SYNPR: variants seen among roughly 807,000 people sequenced by gnomAD.
SYNPR encodes the protein synaptoporin.
SYNPR carries 23 observed loss-of-function variants against 32.9 expected under a neutral mutation model. The ratio of observed to expected loss-of-function variants is 0.70; its 90% CI spans 0.50 to 0.99. The LOEUF is 0.99. SYNPR is among the 50% of genes least tolerant of loss of function. The pLI is 0.00. For missense variants in SYNPR, 318 were observed against 349.3 expected, an observed-to-expected ratio of 0.91 and a Z score of 0.71; for synonymous variants, 146 against 135.9, an observed-to-expected ratio of 1.07 and a Z score of -0.52.
chr3:63,283,314 A>T (rs2086647149), intron 2 of SYNPR, among the ~76,000 whole-genome samples: 1 of 150,278 alleles, frequency 6.7e-6, no homozygotes, highest in Non-Finnish European at 1.5e-5. Context: ...TCTTAATAAC[A>T]TATAAAAGTC....
At chr3:63,206,264 G>A in the SYNPR span, among the ~76,000 whole-genome samples, 1 of 152,150 alleles carries the variant, frequency 6.6e-6, no homozygotes, top group African/African-American at 2.4e-5. Context: ...GGGGGGGAAA[G>A]GCTCTGAAAA....
chr3:63,460,572 C>CAAA (rs11390803), intron 2 of SYNPR, among the ~76,000 whole-genome samples: 1,640 of 45,336 alleles, frequency 0.036, 75 homozygotes, highest in African/African-American at 0.049. Flanking sequence ...ATTGGTAGAC[C>CAAA]AAAAAAAAAA....
At chr3:63,553,766 G>A (rs1702543780) in intron 3 of SYNPR, among the ~76,000 whole-genome samples, 1 of 152,160 alleles carries the variant, frequency 6.6e-6, no homozygotes, top group South Asian at 2.1e-4. Flanking sequence ...TTGTTGCCCA[G>A]GCTGGAGTGC....
In SYNPR at chr3:63,456,959, G is replaced by A. The variant is rs79776140; in HGVS notation, c.85-23873G>A. Reference sequence around the variant, plus strand: ...CTTTTATTTTCTATCAGAGTTGGTGGGTCCAGAGAAGCTCTCCTCTTTGCA... The same window carrying A: ...CTTTTATTTTCTATCAGAGTTGGTGAGTCCAGAGAAGCTCTCCTCTTTGCA... On this transcript the variant is annotated intron_variant, in intron 2 of 5. Transcript: ENST00000478300. Among the ~76,000 whole-genome samples, 1,283 of 152,098 alleles carry A rather than the reference G, an allele frequency of 8.4e-3. 58 individuals are homozygous for A. In the East Asian group the frequency reaches 0.13, roughly 16 times the overall value.
intron 3 of SYNPR, among the ~76,000 whole-genome samples, chr3:63,529,269 C>T (rs1370380412): frequency 1.3e-5 from 2 of 152,216 alleles, no homozygotes; most frequent in African/African-American, 2.4e-5. Flanking sequence ...TTTAAATCAT[C>T]TCTAGATTAC....
At chr3:63,596,102 G>A (rs528286802) in intron 4 of SYNPR, among the ~76,000 whole-genome samples, 6 of 149,748 alleles carry the variant, frequency 4.0e-5, no homozygotes, top group South Asian at 2.1e-4. Context: ...CCATTAACTC[G>A]TCATTTAGCA....
chr3:63,355,265 T>TGA (rs2087562307), intron 2 of SYNPR, among the ~76,000 whole-genome samples: 1 of 142,426 alleles, frequency 7.0e-6, no homozygotes, highest in Non-Finnish European at 1.5e-5. Flanking sequence ...GGTGACAGAG[T>TGA]GAGACCCTGT....
At chr3:63,311,946 TA>T (rs1422067991) in intron 2 of SYNPR, among the ~76,000 whole-genome samples, 2 of 151,928 alleles carry the variant, frequency 1.3e-5, no homozygotes, top group Non-Finnish European at 2.9e-5. Flanking sequence ...TCTAAAACTT[TA>T]AAAAAGGAAA....
chr3:63,547,470 G>A (rs552248301), intron 3 of SYNPR, among the ~76,000 whole-genome samples: 13 of 152,190 alleles, frequency 8.5e-5, no homozygotes, highest in Admixed American at 2.0e-4. Context: ...TGAGGACAGC[G>A]TAATGTGCCT....
intron 4 of SYNPR, among the ~76,000 whole-genome samples, chr3:63,595,951 T>TATATATAATTTTA (rs1559546753): frequency 2.6e-5 from 3 of 116,868 alleles, no homozygotes; most frequent in East Asian, 2.6e-4. Context: ...ATATATAGTT[T>TATATATAATTTTA]TATATATATA....
At chr3:63,508,267 T>C (rs1481216411) in intron 3 of SYNPR, among the ~76,000 whole-genome samples, 3 of 152,204 alleles carry the variant, frequency 2.0e-5, no homozygotes, top group Admixed American at 6.5e-5. Flanking sequence ...CAAGAATTTA[T>C]ATATTCCAGG....
At position 63,481,890 on chromosome 3, in the gene SYNPR, T is replaced by C. The variant is rs535579141; in HGVS notation, c.209+934T>C. On this transcript the variant is annotated intron_variant, in intron 3 of 5. Coordinates refer to ENST00000478300, the MANE Select transcript of SYNPR (RefSeq NM_001130003.2). ...GGGGCTGGGATGCTTGGTAACATTATACATGAGATCATAAGCTCGGCATGG... is the reference window on the plus strand; with the variant it reads ...GGGGCTGGGATGCTTGGTAACATTACACATGAGATCATAAGCTCGGCATGG... Among the ~76,000 whole-genome samples, 7 of 152,232 alleles carry C rather than the reference T, an allele frequency of 4.6e-5. No individual in the cohort carries two copies. The East Asian group carries it at 1.4e-3, about 29-fold the overall frequency.
At chr3:63,323,299 T>C (rs1341705566) in intron 2 of SYNPR, among the ~76,000 whole-genome samples, 1 of 152,072 alleles carries the variant, frequency 6.6e-6, no homozygotes, top group African/African-American at 2.4e-5. Flanking sequence ...CACTTTCCAA[T>C]GGAAAGCCAA....
chr3:63,210,123 A>G, the SYNPR span, among the ~76,000 whole-genome samples: 11 of 152,204 alleles, frequency 7.2e-5, no homozygotes, highest in African/African-American at 2.7e-4. Flanking sequence ...TAAGAGTGTT[A>G]GTTTTGTGTA....
At chr3:63,311,454 A>G (rs2056547) in intron 2 of SYNPR, among the ~76,000 whole-genome samples, 44,860 of 152,006 alleles carry the variant, frequency 0.3, 7,685 homozygotes, top group Non-Finnish European at 0.39. Flanking sequence ...TCTGCCTCCC[A>G]TCAGATCAGC....
At chr3:63,485,593 A>G (rs932063654) in intron 3 of SYNPR, among the ~76,000 whole-genome samples, 1 of 152,106 alleles carries the variant, frequency 6.6e-6, no homozygotes, top group African/African-American at 2.4e-5. Context: ...GACCAATACA[A>G]TGCAAATTTT....
At chr3:63,302,958 C>A (rs181151046) in intron 2 of SYNPR, among the ~76,000 whole-genome samples, 4 of 151,394 alleles carry the variant, frequency 2.6e-5, no homozygotes, top group Admixed American at 6.6e-5. Context: ...GATGGATATC[C>A]CAAATATACT....
chr3:63,368,452 A>G (rs1191011008), intron 2 of SYNPR, among the ~76,000 whole-genome samples: 1 of 152,156 alleles, frequency 6.6e-6, no homozygotes, highest in African/African-American at 2.4e-5. Flanking sequence ...GTTGGATGTA[A>G]AAGACCCAAG....
intron 4 of SYNPR, among the ~76,000 whole-genome samples, chr3:63,572,459 G>A (rs1294834046): frequency 3.9e-5 from 6 of 152,058 alleles, no homozygotes; most frequent in Non-Finnish European, 7.4e-5. Context: ...AGGTATAGTC[G>A]CCTAAGCCTG....
Sources: gnomAD v4.1 joint callset for allele counts (sites outside exome capture counted in the v4.1 genomes callset) on GRCh38, gnomAD v4.1.1 for gene constraint, MANE v1.5 for transcripts, NCBI Gene and HGNC (gene_info 2026-07-23, HGNC 2026-07-21) for gene names.